Variants in NXPE1 observed in about 807,000 individuals in gnomAD.
NXPE1 encodes neurexophilin and PC-esterase domain family member 1.
NXPE1 carries 31 observed loss-of-function variants against 33.3 expected under a neutral mutation model. That is an observed-to-expected ratio of 0.93 (90% CI 0.70 to 1.26). NXPE1 has a LOEUF of 1.26. NXPE1 is among the 50% of genes most tolerant of loss of function. NXPE1 has a pLI of 0.00. For synonymous variants in NXPE1, 229 were observed against 231.4 expected (o/e 0.99, Z 0.09); for missense variants, 661 against 655.6 (o/e 1.01, Z -0.09).
chr11:114,536,712 C>A (rs1947840496), intron 5 of NXPE1, among the ~76,000 whole-genome samples: 1 of 152,334 alleles, frequency 6.6e-6, no homozygotes, highest in South Asian at 2.1e-4. Context: ...GACACATACA[C>A]TCTCCCAAGA....
At chr11:114,552,555 A>T (rs1194951315) in intron 2 of NXPE1, among the ~76,000 whole-genome samples, 1 of 152,020 alleles carries the variant, frequency 6.6e-6, no homozygotes, top group Non-Finnish European at 1.5e-5. Context: ...TTTTCTCGGA[A>T]TGTACAAAAA....
intron 4 of NXPE1, 57 bp downstream of exon 4, chr11:114,551,326 C>T: frequency 1.5e-6 from 2 of 1,379,236 alleles, no homozygotes; most frequent in Non-Finnish European, 1.9e-6. Context: ...TTTTGTGAGT[C>T]ACTGTCTTCT....
exon 9 of NXPE1, chr11:114,522,042 C>T (rs1947224666): frequency 6.2e-7 from 1 of 1,613,844 alleles, no homozygotes; most frequent in Non-Finnish European, 8.5e-7. Flanking sequence ...GTGTCAGTGC[C>T]ATATGCAATG....
At chr11:114,525,798 C>T (rs1947350993) in intron 7 of NXPE1, among the ~76,000 whole-genome samples, 2 of 152,328 alleles carry the variant, frequency 1.3e-5, no homozygotes, top group African/African-American at 4.8e-5. Flanking sequence ...CTAGCCAATA[C>T]CCTTTCAGGT....
intron 5 of NXPE1, among the ~76,000 whole-genome samples, chr11:114,544,627 A>G (rs1357239842): frequency 1.3e-5 from 2 of 152,192 alleles, no homozygotes; most frequent in Non-Finnish European, 2.9e-5. Context: ...TTTCTGGAAG[A>G]AAACACACAT....
chr11:114,552,725 G>T, intron 2 of NXPE1, 127 bp downstream of exon 2: 1 of 187,058 alleles, frequency 5.3e-6, no homozygotes. Flanking sequence ...AGAAAGTAGT[G>T]CGTATGGATA....
exon 6 of NXPE1, chr11:114,530,458 G>T: frequency 6.2e-7 from 1 of 1,614,228 alleles, no homozygotes; most frequent in South Asian, 1.1e-5. Flanking sequence ...TCACTGGGGT[G>T]GATGAGCAGC....
intron 5 of NXPE1, among the ~76,000 whole-genome samples, chr11:114,537,131 C>T (rs1947861074): frequency 6.6e-6 from 1 of 152,002 alleles, no homozygotes; most frequent in South Asian, 2.1e-4. Context: ...TCAACATATG[C>T]AAATCAATAA....
At chr11:114,552,687 G>T (rs1948536770) in intron 2 of NXPE1, among the ~76,000 whole-genome samples, 165 bp downstream of exon 2, 1 of 151,702 alleles carries the variant, frequency 6.6e-6, no homozygotes, top group Non-Finnish European at 1.5e-5. Context: ...GAGTTATAAT[G>T]TCTCATCTGA....
chr11:114,525,635 G>T (rs898425046), intron 7 of NXPE1, among the ~76,000 whole-genome samples: 1 of 152,270 alleles, frequency 6.6e-6, no homozygotes, highest in East Asian at 1.9e-4. Flanking sequence ...CTTCTGTGCA[G>T]CACAGTGAAG....
At position 114,538,994 on chromosome 11, in the gene NXPE1, T is replaced by C. The variant is rs547973649; in HGVS notation, c.100-8086A>G. Among the ~76,000 whole-genome samples the C allele has an allele frequency of 5.7e-3, 837 of 147,114 alleles. 11 individuals carry two copies. Among genetic ancestry groups the C allele is most frequent in the African/African-American group, 0.019 (758 of 39,166 alleles). ...AAAGACACATGCACACGTGTGTTTATTGAGGCACTATTCACAATAGCAAAG... is the reference window on the plus strand; with the variant it reads ...AAAGACACATGCACACGTGTGTTTACTGAGGCACTATTCACAATAGCAAAG... On this transcript the variant is annotated intron_variant, in intron 5 of 8. Coordinates refer to ENST00000534921, the Ensembl canonical transcript of NXPE1.
intron 1 of NXPE1, among the ~76,000 whole-genome samples, chr11:114,557,898 A>G (rs1339844594): frequency 6.6e-6 from 1 of 151,816 alleles, no homozygotes; most frequent in Non-Finnish European, 1.5e-5. Context: ...CTAGATTGAC[A>G]AGTGTTATTT....
intron 5 of NXPE1, among the ~76,000 whole-genome samples, chr11:114,538,766 T>A (rs1474715688): frequency 1.3e-5 from 2 of 152,090 alleles, no homozygotes; most frequent in South Asian, 4.2e-4. Flanking sequence ...ATGGCGATCA[T>A]TAAAAAGTCA....
intron 2 of NXPE1, 97 bp from the exon 3 acceptor site, chr11:114,552,182 G>C (rs1948510260): frequency 6.6e-6 from 1 of 152,132 alleles, no homozygotes; most frequent in Non-Finnish European, 1.5e-5. Flanking sequence ...ACAAGATATA[G>C]TACACAGTTG....
chr11:114,539,863 C>T (rs189916343), intron 5 of NXPE1, among the ~76,000 whole-genome samples: 70 of 152,042 alleles, frequency 4.6e-4, no homozygotes, highest in Non-Finnish European at 7.2e-4. Flanking sequence ...AATTATATTT[C>T]GTAAATTGTA....
chr11:114,521,908 A>C lies in NXPE1; in HGVS notation c.*60T>G, dbSNP rs543952282. The C allele has an allele frequency of 4.9e-5, 62 of 1,263,860 alleles. 1 individual carries two copies. In the South Asian group the frequency reaches 8.5e-4, roughly 17 times the overall value. The allele number at this position is 1,263,860 out of a possible 1,614,324, so 78.3% of individuals were successfully genotyped here. On this transcript the variant is annotated 3_prime_UTR_variant, in exon 9 of 9. Transcript: ENST00000534921. Reference sequence around the variant, plus strand: ...CTAAAATGAGTAAAACTTACTTTACAATACATGTGGGATTATGTGCAGAGA... The same window carrying C: ...CTAAAATGAGTAAAACTTACTTTACCATACATGTGGGATTATGTGCAGAGA...
At chr11:114,528,861 C>T (rs1165395543) in intron 6 of NXPE1, 1 of 654,992 alleles carries the variant, frequency 1.5e-6, no homozygotes, top group African/African-American at 1.8e-5. Flanking sequence ...AGCATGTTTT[C>T]ATCCTTACTA....
intron 5 of NXPE1, 64 bp from the exon 6 acceptor site, chr11:114,530,972 G>A: frequency 7.0e-7 from 1 of 1,433,040 alleles, no homozygotes; most frequent in South Asian, 1.5e-5. Context: ...TACTTATTAT[G>A]AGTTTGAATA....
chr11:114,555,317 G>A (rs747439014), intron 1 of NXPE1, among the ~76,000 whole-genome samples: 13 of 151,936 alleles, frequency 8.6e-5, no homozygotes, highest in Non-Finnish European at 1.3e-4. Context: ...TCCACCTCCC[G>A]GGTTCAAGTG....
Sources: gnomAD v4.1 joint callset for allele counts (sites outside exome capture counted in the v4.1 genomes callset) on GRCh38, gnomAD v4.1.1 for gene constraint, MANE v1.5 for transcripts, NCBI Gene and HGNC (gene_info 2026-07-23, HGNC 2026-07-21) for gene names.